Variants in AFG2A observed in about 807,000 individuals in gnomAD.
The protein encoded by AFG2A is ATPase family gene 2 protein homolog A.
chr4:122,945,299 A>AGCTTCCGG, the AFG2A span, among the ~76,000 whole-genome samples: 1 of 152,214 alleles, frequency 6.6e-6, no homozygotes, highest in Non-Finnish European at 1.5e-5. Context: ...ACCCAGTTCA[A>AGCTTCCGG]GCTTCCGGGC....
At chr4:122,940,533 C>T in the AFG2A span, among the ~76,000 whole-genome samples, 17 of 152,140 alleles carry the variant, frequency 1.1e-4, no homozygotes, top group Middle Eastern at 6.8e-3. Context: ...TGGATATTAG[C>T]CCTTTGTCAG....
At chr4:123,124,286 C>G in the AFG2A span, among the ~76,000 whole-genome samples, 2 of 151,928 alleles carry the variant, frequency 1.3e-5, no homozygotes, top group African/African-American at 2.4e-5. Context: ...GGCACATATA[C>G]ACCATGGAAT....
At chr4:123,059,344 C>T in the AFG2A span, among the ~76,000 whole-genome samples, 2 of 142,048 alleles carry the variant, frequency 1.4e-5, no homozygotes, top group Non-Finnish European at 3.1e-5. Flanking sequence ...TGATGTTCCC[C>T]TTCCGGTGTC....
chr4:123,088,656 TAGTG>T, the AFG2A span, among the ~76,000 whole-genome samples: 2 of 152,254 alleles, frequency 1.3e-5, no homozygotes, highest in Admixed American at 1.3e-4. Context: ...GTTCTCATGA[TAGTG>T]AGTGAGTTCT....
chr4:123,067,305 T>G, the AFG2A span, among the ~76,000 whole-genome samples: 2 of 151,764 alleles, frequency 1.3e-5, no homozygotes, highest in Non-Finnish European at 2.9e-5. Context: ...GATCACGAGG[T>G]CAGGAGATCC....
chr4:122,968,150 G>C, the AFG2A span, among the ~76,000 whole-genome samples: 250 of 152,164 alleles, frequency 1.6e-3, 5 homozygotes, highest in East Asian at 0.039. Context: ...TTGATACAAT[G>C]ATATTTCATT....
At chr4:123,234,287 A>T in the AFG2A span, among the ~76,000 whole-genome samples, 2 of 152,094 alleles carry the variant, frequency 1.3e-5, no homozygotes, top group African/African-American at 2.4e-5. Flanking sequence ...TCTATCCTTA[A>T]TGCTTACTAC....
chr4:123,021,773 G>C, the AFG2A span, among the ~76,000 whole-genome samples: 2 of 152,176 alleles, frequency 1.3e-5, no homozygotes, highest in Admixed American at 6.5e-5. Flanking sequence ...CAGCCCAGGA[G>C]AGGGGACCTC....
chr4:122,932,701 C>T, the AFG2A span, among the ~76,000 whole-genome samples: 7 of 152,216 alleles, frequency 4.6e-5, no homozygotes, highest in African/African-American at 1.7e-4. Context: ...ACTTAAGCAA[C>T]TCTCTGGGGT....
chr4:122,986,648 A>C, the AFG2A span, among the ~76,000 whole-genome samples: 3 of 152,180 alleles, frequency 2.0e-5, no homozygotes, highest in Non-Finnish European at 4.4e-5. Context: ...TGCAGTGTAC[A>C]CTGCTCGGGT....
At chr4:123,096,528 G>A in the AFG2A span, among the ~76,000 whole-genome samples, 1 of 151,976 alleles carries the variant, frequency 6.6e-6, no homozygotes, top group South Asian at 2.1e-4. Context: ...ACATGATCAT[G>A]TCTTCTTTCT....
At chr4:122,929,214 T>C in the AFG2A span, 1 of 1,554,246 alleles carries the variant, frequency 6.4e-7, no homozygotes, top group Non-Finnish European at 8.7e-7. Flanking sequence ...CTCTTTTCTT[T>C]GGTGACTATC....
chr4:123,218,640 TATACATAC>T, the AFG2A span, among the ~76,000 whole-genome samples: 4,526 of 147,546 alleles, frequency 0.031, 84 homozygotes, highest in African/African-American at 0.042. Flanking sequence ...CATAAACACA[TATACATAC>T]ATACATACAT....
At chr4:123,127,500 T>G in the AFG2A span, among the ~76,000 whole-genome samples, 1 of 152,148 alleles carries the variant, frequency 6.6e-6, no homozygotes, top group African/African-American at 2.4e-5. Context: ...AGCTCTTCAG[T>G]TGGTAAGCTG....
the AFG2A span, among the ~76,000 whole-genome samples, chr4:123,201,603 T>C: frequency 1.3e-5 from 2 of 152,160 alleles, no homozygotes; most frequent in African/African-American, 4.8e-5. Context: ...GAGTTAATCT[T>C]GGGTAACAAG....
At chr4:123,208,068 A>C in the AFG2A span, among the ~76,000 whole-genome samples, 1 of 152,256 alleles carries the variant, frequency 6.6e-6, no homozygotes, top group Non-Finnish European at 1.5e-5. Context: ...TGCTACTAGC[A>C]TAAGAATAGA....
At chr4:122,938,242 T>C in the AFG2A span, 5 of 1,597,912 alleles carry the variant, frequency 3.1e-6, no homozygotes, top group East Asian at 6.8e-5. Context: ...ATGGATGGCA[T>C]TGGTTCAGTA....
At chr4:122,929,141 G>A in the AFG2A span, 3 of 1,613,212 alleles carry the variant, frequency 1.9e-6, no homozygotes, top group Non-Finnish European at 2.5e-6. Context: ...ATGCCATCCA[G>A]GTCCAGCCTC....
chr4:123,148,315 G>A, the AFG2A span, among the ~76,000 whole-genome samples: 2 of 152,090 alleles, frequency 1.3e-5, no homozygotes, highest in Non-Finnish European at 2.9e-5. Context: ...TCCACATTTT[G>A]TTGAAAAGTG....
Sources: allele counts gnomAD v4.1 joint callset (sites outside exome capture counted in the v4.1 genomes callset), GRCh38; gene constraint gnomAD v4.1.1; transcripts MANE v1.5; gene names NCBI Gene and HGNC (gene_info 2026-07-23, HGNC 2026-07-21).